Variants in MYO1H observed in about 807,000 individuals in gnomAD.
MYO1H encodes the protein myosin IH.
A neutral mutation model predicts 149.3 loss-of-function variants in MYO1H; 118 were observed. The ratio of observed to expected loss-of-function variants is 0.79; its 90% CI spans 0.68 to 0.92. The LOEUF (loss-of-function observed/expected upper bound fraction) is 0.92, where lower values mean the gene tolerates loss of function less well. MYO1H is among the 40% of genes least tolerant of loss of function. The pLI, the probability that MYO1H is intolerant of heterozygous loss-of-function variation, is 0.00. For synonymous variants in MYO1H, 447 were observed against 465.2 expected, an observed-to-expected ratio of 0.96 and a Z score of 0.50; for missense variants, 1,212 against 1,280.7, an observed-to-expected ratio of 0.95 and a Z score of 0.82.
intron 2 of MYO1H, among the ~76,000 whole-genome samples, chr12:109,391,656 T>G (rs1360352866): frequency 6.6e-6 from 1 of 152,244 alleles, no homozygotes; most frequent in African/African-American, 2.4e-5. Context: ...TCCACAATGG[T>G]TGAACTAATT....
intron 1 of MYO1H, among the ~76,000 whole-genome samples, chr12:109,349,547 G>C (rs961999027): frequency 2.0e-5 from 3 of 149,434 alleles, no homozygotes; most frequent in African/African-American, 7.4e-5. Context: ...TGTGGTCCCA[G>C]CTACTCCAGA....
At chr12:109,330,122 G>A in the MYO1H span, among the ~76,000 whole-genome samples, 8 of 152,298 alleles carry the variant, frequency 5.3e-5, no homozygotes, top group South Asian at 1.7e-3. Context: ...TCATTTCTTA[G>A]TTGTTCCCAG....
At chr12:109,421,231 C>CT (rs940487264) in intron 16 of MYO1H, among the ~76,000 whole-genome samples, 1 of 151,626 alleles carries the variant, frequency 6.6e-6, no homozygotes, top group African/African-American at 2.4e-5. Context: ...TATGATGCCC[C>CT]CTGGGCACCA....
chr12:109,442,281 ATG>A lies in MYO1H; in HGVS notation c.2688+15_2688+16del, dbSNP rs1289631039. On this transcript the variant is annotated intron_variant, in intron 27 of 31. Transcript: ENST00000310903. The stretch of plus-strand genomic sequence containing the variant: ...GCCATGAGAAAATCCAGGTAAGGCG[ATG>A]TGTGTCCTCAGTCTCAAACAGGATT... The A allele has an allele frequency of 3.7e-6, 6 of 1,612,840 alleles. No individual in the cohort carries two copies. Among genetic ancestry groups the A allele is most frequent in the Non-Finnish European group, 5.1e-6 (6 of 1,178,976 alleles).
chr12:109,379,921 T>C (rs755877464), intron 1 of MYO1H, among the ~76,000 whole-genome samples: 14 of 152,010 alleles, frequency 9.2e-5, no homozygotes, highest in Non-Finnish European at 1.5e-4. Context: ...TCAGTACAGA[T>C]GGAGTTTCAC....
intron 1 of MYO1H, among the ~76,000 whole-genome samples, chr12:109,366,542 G>A (rs531791851): frequency 1.7e-4 from 26 of 152,272 alleles, no homozygotes; most frequent in African/African-American, 5.8e-4. Context: ...ACAAGAAACC[G>A]TACTCAGGTG....
Position 109,396,455 on chromosome 12 carries a change from G to A in MYO1H, c.362G>A (p.Gly121Glu). Residue 121 changes from glycine (G) to glutamate (E), a missense_variant, in exon 4 of 32, where the codon GGA becomes GAA. Transcript: ENST00000310903. ...AATAACCATTTCATCCTCATTTCTG[G>A]AGAGAGTGGGGCAGGGAAAACAGAG... 1 of 1,613,958 alleles carries A rather than the reference G, an allele frequency of 6.2e-7. No homozygotes were observed. Among genetic ancestry groups the A allele is most frequent in the Admixed American group, 1.7e-5 (1 of 60,016 alleles).
intron 3 of MYO1H, 66 bp from the exon 4 acceptor site, chr12:109,396,318 G>A: frequency 7.4e-7 from 1 of 1,349,738 alleles, no homozygotes; most frequent in Non-Finnish European, 1.0e-6. Context: ...TTTCTTCTTT[G>A]GTGGGTGTCA....
chr12:109,384,513 A>G (rs1869264907), intron 1 of MYO1H, among the ~76,000 whole-genome samples: 1 of 152,104 alleles, frequency 6.6e-6, no homozygotes, highest in Non-Finnish European at 1.5e-5. Flanking sequence ...ATGTCCCAAT[A>G]TTCATCCCTT....
chr12:109,410,754 A>G, exon 13 of MYO1H: 1 of 1,586,040 alleles, frequency 6.3e-7, no homozygotes, highest in Non-Finnish European at 8.6e-7. Context: ...ACATAAAGGA[A>G]TCATATCTAT....
intron 2 of MYO1H, among the ~76,000 whole-genome samples, chr12:109,390,915 G>C (rs1869623212): frequency 6.6e-6 from 1 of 152,116 alleles, no homozygotes; most frequent in Non-Finnish European, 1.5e-5. Flanking sequence ...TGATCCACCT[G>C]CCTCAGCCTC....
chr12:109,372,648 T>A (rs1190213453), intron 1 of MYO1H, among the ~76,000 whole-genome samples: 1 of 152,122 alleles, frequency 6.6e-6, no homozygotes, highest in Non-Finnish European at 1.5e-5. Context: ...CATCATGTCT[T>A]AATTTATGTC....
chr12:109,395,801 T>TATTTG (rs1869866484), intron 3 of MYO1H, among the ~76,000 whole-genome samples: 1 of 152,140 alleles, frequency 6.6e-6, no homozygotes, highest in Non-Finnish European at 1.5e-5. Context: ...TGATATCTAG[T>TATTTG]ACACTCTATA....
chr12:109,395,510 T>C (rs1392117082), intron 3 of MYO1H, among the ~76,000 whole-genome samples: 1 of 152,032 alleles, frequency 6.6e-6, no homozygotes, highest in Non-Finnish European at 1.5e-5. Flanking sequence ...CTGAGGCAGG[T>C]GGATCACGAG....
At chr12:109,447,067 C>T (rs1872514938) in intron 31 of MYO1H, 92 bp from the exon 32 acceptor site, 2 of 1,336,976 alleles carry the variant, frequency 1.5e-6, no homozygotes, top group African/African-American at 1.5e-5. Context: ...CCACACCCAC[C>T]TTGCTAATGG....
At chr12:109,345,106 G>A (rs1244877382), upstream of MYO1H, among the ~76,000 whole-genome samples, 2 of 152,020 alleles carry the variant, frequency 1.3e-5, no homozygotes, top group Non-Finnish European at 2.9e-5. Context: ...GATAAATTAG[G>A]CTTCATCAAA....
chr12:109,342,541 C>CTTTTT, the MYO1H span, among the ~76,000 whole-genome samples: 22 of 100,534 alleles, frequency 2.2e-4, 2 homozygotes, highest in African/African-American at 7.5e-4. Flanking sequence ...CTTCAGGAGA[C>CTTTTT]TTTTTTTTTT....
intron 10 of MYO1H, among the ~76,000 whole-genome samples, chr12:109,409,247 T>C (rs1870549521): frequency 3.6e-5 from 1 of 27,486 alleles, no homozygotes; most frequent in Non-Finnish European, 7.3e-5. Flanking sequence ...CTTCTTCTTC[T>C]TTTTTTTTTT....
exon 19 of MYO1H, chr12:109,427,514 G>A: frequency 6.2e-7 from 1 of 1,612,882 alleles, no homozygotes; most frequent in Non-Finnish European, 8.5e-7. Context: ...AAATACCTGG[G>A]GCTGATGGAG....
Sources: gnomAD v4.1 joint callset for allele counts (sites outside exome capture counted in the v4.1 genomes callset) on GRCh38, gnomAD v4.1.1 for gene constraint, MANE v1.5 for transcripts, NCBI Gene and HGNC (gene_info 2026-07-23, HGNC 2026-07-21) for gene names.